Variants in DNAH12 observed in about 807,000 individuals in gnomAD.
DNAH12 encodes axonemal beta dynein heavy chain 12.
DNAH12 carries 285 observed loss-of-function variants against 371.5 expected under a neutral mutation model. The ratio of observed to expected loss-of-function variants is 0.77; its 90% CI spans 0.70 to 0.85. The LOEUF is 0.85. Among genes scored for constraint, DNAH12 ranks in the 40% least tolerant of loss-of-function variants. DNAH12 has a pLI of 0.00. For synonymous variants in DNAH12, 1,200 were observed against 1,213.0 expected (o/e 0.99, Z 0.22); for missense variants, 3,611 against 3,689.4 (o/e 0.98, Z 0.55).
At chr3:57,384,507 A>T (rs1289537731) in intron 49 of DNAH12, among the ~76,000 whole-genome samples, 2 of 151,752 alleles carry the variant, frequency 1.3e-5, no homozygotes, top group Non-Finnish European at 2.9e-5. Flanking sequence ...AGCCAGGCCT[A>T]GTGGTGTGTG....
chr3:57,408,896 A>G (rs1413898963), intron 39 of DNAH12, among the ~76,000 whole-genome samples: 1 of 152,194 alleles, frequency 6.6e-6, no homozygotes, highest in Admixed American at 6.5e-5. Flanking sequence ...AGGTGACTAT[A>G]TATCTCATTT....
intron 39 of DNAH12, 35 bp from the exon 40 acceptor site, chr3:57,408,570 G>A: frequency 6.8e-7 from 1 of 1,476,374 alleles, no homozygotes; most frequent in Non-Finnish European, 9.0e-7. Flanking sequence ...TAGATTATCT[G>A]TTATAAAGAC....
At chr3:57,428,967 C>T in intron 33 of DNAH12, 146 bp from the exon 34 acceptor site, 1 of 738,588 alleles carries the variant, frequency 1.4e-6, no homozygotes, top group Non-Finnish European at 2.0e-6. Context: ...CTAGACGTTC[C>T]CCATACAGAA....
chr3:57,386,059 A>G (rs2063493979), intron 47 of DNAH12, among the ~76,000 whole-genome samples: 1 of 152,186 alleles, frequency 6.6e-6, no homozygotes, highest in South Asian at 2.1e-4. Flanking sequence ...TTGAACTAAC[A>G]CTAGTAAGTA....
intron 62 of DNAH12, among the ~76,000 whole-genome samples, chr3:57,324,606 AG>A (rs950935843): frequency 2.4e-4 from 37 of 152,192 alleles, no homozygotes; most frequent in African/African-American, 8.7e-4. Context: ...ATGGCCGAAT[AG>A]GAACAGCTCC....
At chr3:57,365,443 C>T (rs991429300) in intron 57 of DNAH12, among the ~76,000 whole-genome samples, 3 of 152,054 alleles carry the variant, frequency 2.0e-5, no homozygotes, top group African/African-American at 7.2e-5. Context: ...GAACAACACA[C>T]ACTGGGGCCT....
At chr3:57,364,083 T>C (rs943752977) in intron 57 of DNAH12, among the ~76,000 whole-genome samples, 2 of 152,286 alleles carry the variant, frequency 1.3e-5, no homozygotes, top group African/African-American at 4.8e-5. Flanking sequence ...ACTCAAAGTA[T>C]GAACTTCTTA....
chr3:57,315,379 T>C (rs1338894707), intron 65 of DNAH12, among the ~76,000 whole-genome samples: 1 of 151,052 alleles, frequency 6.6e-6, no homozygotes, highest in African/African-American at 2.4e-5. Context: ...GATACGTTTT[T>C]GAAATGTTCT....
At chr3:57,397,742 A>C (rs1421628641) in intron 43 of DNAH12, among the ~76,000 whole-genome samples, 1 of 152,200 alleles carries the variant, frequency 6.6e-6, no homozygotes, top group Non-Finnish European at 1.5e-5. Context: ...ATACAACCTC[A>C]AAGAAGACAC....
chr3:57,318,493 C>A (rs1269208852), intron 65 of DNAH12, among the ~76,000 whole-genome samples: 4 of 150,340 alleles, frequency 2.7e-5, no homozygotes, highest in Non-Finnish European at 4.5e-5. Context: ...TTTCTGAGCT[C>A]TCTATTCTTT....
chr3:57,426,501 A>G (rs2064772758), intron 34 of DNAH12, among the ~76,000 whole-genome samples: 1 of 151,978 alleles, frequency 6.6e-6, no homozygotes, highest in Non-Finnish European at 1.5e-5. Context: ...GATGGAAAGA[A>G]AACAGGTATA....
chr3:57,388,981 C>T (rs1001817367), intron 45 of DNAH12, among the ~76,000 whole-genome samples: 1 of 151,950 alleles, frequency 6.6e-6, no homozygotes, highest in African/African-American at 2.4e-5. Context: ...TGCAGCACAC[C>T]AACATGGCAC....
intron 2 of DNAH12, among the ~76,000 whole-genome samples, chr3:57,524,520 A>T (rs1405886703): frequency 6.6e-6 from 1 of 152,060 alleles, no homozygotes; most frequent in African/African-American, 2.4e-5. Flanking sequence ...GAATCCCTAT[A>T]TTATGTAAAT....
chr3:57,332,765 T>C (rs2062129340), intron 62 of DNAH12, among the ~76,000 whole-genome samples: 1 of 152,080 alleles, frequency 6.6e-6, no homozygotes, highest in Non-Finnish European at 1.5e-5. Context: ...GCATCTGAGG[T>C]GCTGTAACCA....
At chr3:57,437,582 A>AT (rs1210121727) in intron 29 of DNAH12, among the ~76,000 whole-genome samples, 2 of 152,322 alleles carry the variant, frequency 1.3e-5, no homozygotes, top group East Asian at 3.9e-4. Flanking sequence ...GACTTGGTGG[A>AT]TATCGGATTG....
intron 45 of DNAH12, among the ~76,000 whole-genome samples, chr3:57,389,687 T>C (rs1019054116): frequency 7.9e-5 from 12 of 151,482 alleles, no homozygotes; most frequent in African/African-American, 2.9e-4. Flanking sequence ...CAGCAGACTT[T>C]ACCTCAAGAC....
chr3:57,390,156 G>T (rs2063584738), intron 45 of DNAH12, among the ~76,000 whole-genome samples: 1 of 147,690 alleles, frequency 6.8e-6, no homozygotes, highest in African/African-American at 2.5e-5. Context: ...ATTGACTTAG[G>T]GCTGGGCACA....
intron 65 of DNAH12, among the ~76,000 whole-genome samples, chr3:57,316,059 A>G (rs2061678071): frequency 6.6e-6 from 1 of 152,122 alleles, no homozygotes; most frequent in South Asian, 2.1e-4. Context: ...TTATCTAGAT[A>G]TTCTAAAAAC....
intron 13 of DNAH12, among the ~76,000 whole-genome samples, chr3:57,477,824 G>A (rs2066590704): frequency 6.6e-6 from 1 of 152,154 alleles, no homozygotes; most frequent in African/African-American, 2.4e-5. Flanking sequence ...GGTCTGGAGT[G>A]GACCTCCAGC....
Sources: gnomAD v4.1 joint callset for allele counts (sites outside exome capture counted in the v4.1 genomes callset) on GRCh38, gnomAD v4.1.1 for gene constraint, MANE v1.5 for transcripts, NCBI Gene and HGNC (gene_info 2026-07-23, HGNC 2026-07-21) for gene names.